The following SEMA6D variants were observed in gnomAD, a reference collection of about 807,000 sequenced individuals.
The protein encoded by SEMA6D is semaphorin-6D.
Under a neutral mutation model 106.6 loss-of-function variants are expected in SEMA6D, and 35 were observed. The ratio of observed to expected loss-of-function variants is 0.33; its 90% CI spans 0.25 to 0.44. The LOEUF (loss-of-function observed/expected upper bound fraction) is 0.44, where lower values mean the gene tolerates loss of function less well. Ranked by LOEUF, SEMA6D falls within the 20% of genes least tolerant of loss-of-function variation. The pLI is 1.00. For synonymous variants in SEMA6D, 499 were observed against 487.7 expected (o/e 1.02, Z -0.31); for missense variants, 1,185 against 1,345.9 (o/e 0.88, Z 1.87).
chr15:47,368,181 A>G (rs2039131494), intron 1 of SEMA6D, among the ~76,000 whole-genome samples: 1 of 152,214 alleles, frequency 6.6e-6, no homozygotes, highest in South Asian at 2.1e-4. Context: ...GCGCTGTGCC[A>G]GGCTCCCCAG....
At chr15:47,625,146 T>G (rs528924041) in intron 4 of SEMA6D, among the ~76,000 whole-genome samples, 39 of 152,246 alleles carry the variant, frequency 2.6e-4, no homozygotes, top group Non-Finnish European at 4.6e-4. Context: ...GGTTGACAAA[T>G]CACTTTTCTC....
chr15:47,405,998 G>A (rs573550470), intron 1 of SEMA6D, among the ~76,000 whole-genome samples: 3 of 152,322 alleles, frequency 2.0e-5, no homozygotes, highest in Non-Finnish European at 4.4e-5. Flanking sequence ...AGGGCCATAT[G>A]CAAGGAGACC....
chr15:47,737,976 G>A (rs958911817), intron 1 of SEMA6D, among the ~76,000 whole-genome samples: 63 of 151,406 alleles, frequency 4.2e-4, no homozygotes, highest in Non-Finnish European at 8.4e-4. Flanking sequence ...CCAGTGTAAA[G>A]TTGTGTCTCC....
chr15:47,607,147 A>T (rs1259977543), intron 4 of SEMA6D, among the ~76,000 whole-genome samples: 1 of 152,214 alleles, frequency 6.6e-6, no homozygotes, highest in African/African-American at 2.4e-5. Flanking sequence ...GGATCTAGGA[A>T]TATGTTTAGT....
chr15:47,370,989 A>T (rs955252211), intron 1 of SEMA6D, among the ~76,000 whole-genome samples: 20 of 152,240 alleles, frequency 1.3e-4, no homozygotes, highest in Middle Eastern at 3.2e-3. Context: ...TCTGATACAG[A>T]AGGTAAGACG....
chr15:47,573,105 G>A lies in SEMA6D; in HGVS notation c.-86-27760G>A, dbSNP rs540950260. 2.9e-4 allele frequency among the ~76,000 whole-genome samples: 44 copies of A among 151,842 alleles called. 1 individual carries two copies. In the South Asian group the frequency reaches 9.2e-3, roughly 32 times the overall value. On this transcript the variant is annotated intron_variant, in intron 3 of 19. Coordinates refer to the SEMA6D transcript ENST00000558014. The stretch of plus-strand genomic sequence containing the variant: ...CAAAGAAATAAAAGTGTAAGACTAG[G>A]TATCTTAAACTCAGGAAGAAACAAC...
chr15:47,346,871 T>C (rs1246143878), intron 1 of SEMA6D, among the ~76,000 whole-genome samples: 2 of 152,024 alleles, frequency 1.3e-5, no homozygotes, highest in African/African-American at 4.8e-5. Context: ...CTACTATGGG[T>C]TTTGTGATTC....
Position 47,361,850 on chromosome 15 carries a change from G to A in SEMA6D, c.-238-50543G>A, listed in dbSNP as rs115108376. Reference sequence around the variant, plus strand: ...TGTAAAAAGTTGCAGCAGCTCCACTGTGTTACTCTACCATTTCTGATTTCT... The same window carrying A: ...TGTAAAAAGTTGCAGCAGCTCCACTATGTTACTCTACCATTTCTGATTTCT... On this transcript the variant is annotated intron_variant, in intron 1 of 19. Coordinates refer to the SEMA6D transcript ENST00000558014. 1.0e-3 allele frequency among the ~76,000 whole-genome samples: 159 copies of A among 152,148 alleles called. 2 individuals are homozygous for A. Among genetic ancestry groups the A allele is most frequent in the African/African-American group, 3.7e-3 (154 of 41,510 alleles).
intron 1 of SEMA6D, among the ~76,000 whole-genome samples, chr15:47,254,875 T>TTGTGTGTGTGTG (rs58271041): frequency 0.051 from 6,839 of 134,242 alleles, 258 homozygotes; most frequent in Middle Eastern, 0.086. Flanking sequence ...ACCTGTGGTT[T>TTGTGTGTGTGTG]TGTGTGTGTG....
chr15:47,679,528 G>A (rs75969684), intron 4 of SEMA6D, among the ~76,000 whole-genome samples: 27,865 of 152,074 alleles, frequency 0.18, 3,087 homozygotes, highest in South Asian at 0.27. Flanking sequence ...CTGGCCCCTC[G>A]GCAGCCCTGG....
At chr15:47,549,538 A>G (rs746613542) in intron 3 of SEMA6D, among the ~76,000 whole-genome samples, 22 of 152,168 alleles carry the variant, frequency 1.4e-4, no homozygotes, top group Non-Finnish European at 2.9e-4. Flanking sequence ...ATTGGGAGAA[A>G]TCACTTAATA....
intron 4 of SEMA6D, among the ~76,000 whole-genome samples, chr15:47,708,847 A>G (rs906355290): frequency 5.3e-5 from 8 of 152,226 alleles, no homozygotes; most frequent in African/African-American, 1.7e-4. Context: ...TGGCTCTGCT[A>G]TGTAACTGGG....
intron 1 of SEMA6D, among the ~76,000 whole-genome samples, chr15:47,358,387 T>A (rs1295672720): frequency 6.6e-6 from 1 of 152,224 alleles, no homozygotes; most frequent in Admixed American, 6.5e-5. Flanking sequence ...CTTCCCAAGT[T>A]TATTTACAAA....
At chr15:47,749,832 G>C (rs2081336508) in intron 1 of SEMA6D, among the ~76,000 whole-genome samples, 1 of 152,168 alleles carries the variant, frequency 6.6e-6, no homozygotes, top group African/African-American at 2.4e-5. Context: ...GAACTGGGAA[G>C]AACCACATCC....
intron 1 of SEMA6D, among the ~76,000 whole-genome samples, chr15:47,286,657 C>T (rs1186014524): frequency 6.6e-6 from 1 of 151,890 alleles, no homozygotes; most frequent in Non-Finnish European, 1.5e-5. Flanking sequence ...TAAAATTTGG[C>T]CTCCCATAGA....
intron 1 of SEMA6D, among the ~76,000 whole-genome samples, chr15:47,311,942 G>T (rs1207678954): frequency 6.6e-6 from 1 of 152,152 alleles, no homozygotes; most frequent in Admixed American, 6.6e-5. Context: ...TGTGTAAGGA[G>T]ACTTTCCAGT....
chr15:47,250,913 C>T (rs898459838), intron 1 of SEMA6D, among the ~76,000 whole-genome samples: 5 of 152,184 alleles, frequency 3.3e-5, no homozygotes, highest in African/African-American at 1.2e-4. Context: ...GCAGCGAATC[C>T]TTTATCTGGT....
At chr15:47,588,981 A>C (rs757712458) in intron 3 of SEMA6D, among the ~76,000 whole-genome samples, 22 of 152,218 alleles carry the variant, frequency 1.4e-4, no homozygotes, top group Non-Finnish European at 3.1e-4. Context: ...GGATGTTGCT[A>C]AACATCGTAC....
Position 47,500,512 on chromosome 15 carries a change from A to T in SEMA6D, c.-87+29967A>T, listed in dbSNP as rs146145727. On this transcript the variant is annotated intron_variant, in intron 3 of 19. Coordinates refer to the SEMA6D transcript ENST00000558014. Reference sequence around the variant, plus strand: ...TTTTATATAAATTTAATAAAAACAGACATCATACAAATTTTCTTCTCCACT... The same window carrying T: ...TTTTATATAAATTTAATAAAAACAGTCATCATACAAATTTTCTTCTCCACT... 6.0e-3 allele frequency among the ~76,000 whole-genome samples: 918 copies of T among 152,266 alleles called. 6 individuals are homozygous for T. The highest frequency in any genetic ancestry group is 0.015 in the Admixed American group (227 of 15,284).
Sources: gnomAD v4.1 joint callset for allele counts (sites outside exome capture counted in the v4.1 genomes callset) on GRCh38, gnomAD v4.1.1 for gene constraint, MANE v1.5 for transcripts, NCBI Gene and HGNC (gene_info 2026-07-23, HGNC 2026-07-21) for gene names.